Variants in CACHD1 observed in about 807,000 individuals in gnomAD.
The protein encoded by CACHD1 is cache domain containing 1.
CACHD1 carries 71 observed loss-of-function variants against 138.7 expected under a neutral mutation model. That is an observed-to-expected ratio of 0.51 (90% confidence interval 0.42 to 0.62). The LOEUF is 0.62. Among genes scored for constraint, CACHD1 ranks in the 20% least tolerant of loss-of-function variants. The pLI is 0.00. For missense variants in CACHD1, 1,389 were observed against 1,625.3 expected (o/e 0.85, Z 2.50); for synonymous variants, 578 against 591.5 (o/e 0.98, Z 0.33).
chr1:64,671,612 C>A lies in CACHD1; in HGVS notation c.2436C>A (p.Phe812Leu), dbSNP rs907017444. Reference protein sequence around the residue: ...GHTVAVMGIDFTLRYFYKVLM... With the variant: ...GHTVAVMGIDLTLRYFYKVLM... ...CTGTGGCTGTGATGGGCATTGACTT[C>A]ACACTCAGATACTTCTACAAAGTTC... Residue 812 changes from phenylalanine to leucine, a missense_variant, in exon 17 of 27, where the codon TTC becomes TTA. Transcript: ENST00000651257. 1.2e-6 allele frequency: 2 copies of A among 1,614,012 alleles called. No homozygotes were observed. Among genetic ancestry groups the A allele is most frequent in the Non-Finnish European group, 1.7e-6 (2 of 1,179,896 alleles).
intron 5 of CACHD1, among the ~76,000 whole-genome samples, chr1:64,630,777 C>T (rs1035076763): frequency 2.0e-5 from 3 of 152,104 alleles, no homozygotes; most frequent in African/African-American, 2.4e-5. Context: ...CTGATTTTAA[C>T]GAAGCACCTG....
intron 7 of CACHD1, among the ~76,000 whole-genome samples, chr1:64,639,223 C>T (rs1489284271): frequency 6.6e-6 from 1 of 152,138 alleles, no homozygotes; most frequent in Non-Finnish European, 1.5e-5. Flanking sequence ...TACCATAGAT[C>T]CTCCTCATGC....
intron 1 of CACHD1, among the ~76,000 whole-genome samples, chr1:64,488,561 C>G (rs1361546582): frequency 6.6e-6 from 1 of 152,190 alleles, no homozygotes; most frequent in East Asian, 1.9e-4. Context: ...GTGCATACAG[C>G]CTGCCAAGCT....
At chr1:64,618,084 A>G (rs1647776234) in intron 4 of CACHD1, among the ~76,000 whole-genome samples, 2 of 151,856 alleles carry the variant, frequency 1.3e-5, no homozygotes, top group African/African-American at 2.4e-5. Context: ...CAGTCTCAAA[A>G]AAAAAAAAAA....
intron 3 of CACHD1, among the ~76,000 whole-genome samples, chr1:64,587,695 A>G (rs1647061675): frequency 6.6e-6 from 1 of 152,184 alleles, no homozygotes; most frequent in African/African-American, 2.4e-5. Context: ...TTAAAACAAC[A>G]TAGTTTTGAG....
intron 1 of CACHD1, among the ~76,000 whole-genome samples, chr1:64,480,674 T>A (rs1195304955): frequency 1.3e-5 from 2 of 152,094 alleles, no homozygotes; most frequent in Admixed American, 6.5e-5. Flanking sequence ...ATTTTTATTT[T>A]TTTATTTTTT....
intron 2 of CACHD1, among the ~76,000 whole-genome samples, chr1:64,564,928 A>C (rs1488147672): frequency 6.6e-6 from 1 of 152,022 alleles, no homozygotes; most frequent in Non-Finnish European, 1.5e-5. Context: ...GACAATGGTT[A>C]GACAAGAGCG....
intron 1 of CACHD1, among the ~76,000 whole-genome samples, chr1:64,541,676 A>T (rs1408446168): frequency 2.0e-5 from 3 of 152,120 alleles, no homozygotes; most frequent in South Asian, 2.1e-4. Context: ...AACAAAAAAA[A>T]CAAAAATTAG....
chr1:64,572,023 A>T (rs1425826116), intron 2 of CACHD1, among the ~76,000 whole-genome samples: 1 of 152,158 alleles, frequency 6.6e-6, no homozygotes, highest in Non-Finnish European at 1.5e-5. Flanking sequence ...TAAGAGTTTT[A>T]TGTAGGAAGT....
Position 64,647,946 on chromosome 1 carries a change from C to G in CACHD1, c.1302C>G (p.Thr434=). ...MVLNQLSNLE[T]TVGRFYTNLP... ...TGAATCAGTTGAGCAACCTGGAGAC[C>G]ACAGTGGGCAGGTTCTACACAAACC... Residue 434 remains threonine, a synonymous_variant, in exon 9 of 27, where the codon ACC becomes ACG. Coordinates refer to ENST00000651257, the MANE Select transcript of CACHD1 (RefSeq NM_020925.4). 1 of 1,614,028 alleles carries G rather than the reference C, an allele frequency of 6.2e-7. No homozygotes were observed. The highest frequency in any genetic ancestry group is 8.5e-7 in the Non-Finnish European group (1 of 1,179,994).
chr1:64,621,903 T>G (rs1647926853), intron 4 of CACHD1, among the ~76,000 whole-genome samples: 1 of 152,174 alleles, frequency 6.6e-6, no homozygotes, highest in Non-Finnish European at 1.5e-5. Context: ...GGGATTTGAT[T>G]TACATTTTAG....
intron 1 of CACHD1, among the ~76,000 whole-genome samples, chr1:64,489,310 T>C (rs913067649): frequency 2.0e-5 from 3 of 152,166 alleles, no homozygotes; most frequent in African/African-American, 7.2e-5. Flanking sequence ...ATGCTTACCT[T>C]TGTGGGCTTT....
intron 26 of CACHD1, among the ~76,000 whole-genome samples, chr1:64,684,363 C>CTTTTTTTTTTTTTTTTTTTTTTTTTTATT (rs397980387): frequency 1.8e-5 from 1 of 54,982 alleles, no homozygotes; most frequent in African/African-American, 7.6e-5. Context: ...TCTTCTTCTT[C>CTTTTTTTTTTTTTTTTTTTTTTTTTTATT]TTTTTTTTTT....
intron 2 of CACHD1, among the ~76,000 whole-genome samples, chr1:64,580,190 A>G (rs1156983501): frequency 2.0e-5 from 3 of 152,166 alleles, no homozygotes; most frequent in African/African-American, 7.2e-5. Flanking sequence ...GGAAGGAAAA[A>G]CAAAGAATGA....
rs765501518 is a variant in CACHD1, at chr1:64,634,143, A to G, written c.889A>G (p.Met297Val). Residue 297 changes from methionine (M) to valine (V), a missense_variant, in exon 7 of 27, where the codon ATG becomes GTG. Transcript: ENST00000651257. ...AGCCACCAGTGAGACAAAAAGGAAA[A>G]TGTCCACCTTTGTTAGCAGCGTGAA... ...SPATSETKRKMSTFVSSVKSS... is the reference protein window; with the variant it reads ...SPATSETKRKVSTFVSSVKSS... 6.2e-7 allele frequency: 1 copy of G among 1,613,990 alleles called. No individual in the cohort carries two copies. The highest frequency in any genetic ancestry group is 1.1e-5 in the South Asian group (1 of 91,068).
intron 26 of CACHD1, among the ~76,000 whole-genome samples, chr1:64,684,341 G>GT (rs1323639202): frequency 3.4e-4 from 24 of 71,594 alleles, no homozygotes; most frequent in Admixed American, 1.6e-3. Flanking sequence ...GATTTTCTTT[G>GT]TTTTTTCTTC....
chr1:64,666,848 CAAAAAAAA>C (rs946649209), intron 16 of CACHD1, among the ~76,000 whole-genome samples: 6 of 33,964 alleles, frequency 1.8e-4, no homozygotes, highest in East Asian at 1.6e-3. Flanking sequence ...GATCCTGTCT[CAAAAAAAA>C]AAAAAAAAAA....
intron 9 of CACHD1, among the ~76,000 whole-genome samples, chr1:64,649,006 A>G (rs899434668): frequency 7.9e-5 from 12 of 152,138 alleles, no homozygotes; most frequent in African/African-American, 2.9e-4. Context: ...AGAAGTAGCT[A>G]ATTATTAGCC....
intron 26 of CACHD1, 114 bp downstream of exon 26, chr1:64,682,220 A>G (rs1650216066): frequency 2.3e-6 from 2 of 878,772 alleles, no homozygotes; most frequent in Non-Finnish European, 3.7e-6. Flanking sequence ...CCAGCATGCC[A>G]CTGGTTTATA....
Sources: gnomAD v4.1 joint callset for allele counts (sites outside exome capture counted in the v4.1 genomes callset) on GRCh38, gnomAD v4.1.1 for gene constraint, MANE v1.5 for transcripts, NCBI Gene and HGNC (gene_info 2026-07-23, HGNC 2026-07-21) for gene names.